Variants in RGS7 observed in about 807,000 individuals in gnomAD.
RGS7 encodes the protein regulator of G protein signaling 7.
Under a neutral mutation model 81.1 loss-of-function variants are expected in RGS7, and 27 were observed. The observed-to-expected ratio is 0.33, with a 90% CI of 0.25 to 0.46. The LOEUF is 0.46. Ranked by LOEUF, RGS7 falls within the 20% of genes least tolerant of loss-of-function variation. RGS7 has a pLI of 1.00. For synonymous variants in RGS7, 208 were observed against 207.7 expected, an observed-to-expected ratio of 1.00 and a Z score of -0.01; for missense variants, 396 against 607.4, an observed-to-expected ratio of 0.65 and a Z score of 3.66.
In RGS7 at chr1:240,964,112, C is replaced by A. The variant is rs114847407; in HGVS notation, c.226+18967G>T. Among the ~76,000 whole-genome samples the A allele has an allele frequency of 4.2e-3, 637 of 152,280 alleles. 6 individuals carry two copies. The highest frequency in any genetic ancestry group is 0.015 in the African/African-American group (617 of 41,542). ...AGCTCAACACAGACAGCAAGAGAAGCAAGAATGGGTGCACACAGAGTCAAA... is the reference window on the plus strand; with the variant it reads ...AGCTCAACACAGACAGCAAGAGAAGAAAGAATGGGTGCACACAGAGTCAAA... On this transcript the variant is annotated intron_variant, in intron 4 of 18. Coordinates refer to ENST00000440928, the MANE Select transcript of RGS7 (RefSeq NM_001364886.1).
At chr1:241,133,886 A>C (rs146650194) in intron 2 of RGS7, among the ~76,000 whole-genome samples, 70 of 152,322 alleles carry the variant, frequency 4.6e-4, no homozygotes, top group African/African-American at 1.7e-3. Flanking sequence ...AACTAGCTTC[A>C]AAAAGCATTC....
intron 2 of RGS7, among the ~76,000 whole-genome samples, chr1:241,214,349 T>C (rs1408975682): frequency 6.6e-6 from 1 of 152,192 alleles, no homozygotes; most frequent in East Asian, 1.9e-4. Flanking sequence ...TTGCCTGGTC[T>C]CAATTATCCA....
intron 2 of RGS7, among the ~76,000 whole-genome samples, chr1:241,160,110 C>CAAAAAAAAAAAAAAAAAAAAAAAA (rs369734662): frequency 5.3e-5 from 3 of 56,142 alleles, no homozygotes; most frequent in East Asian, 6.6e-4. Context: ...GACTCCATCT[C>CAAAAAAAAAAAAAAAAAAAAAAAA]AAAAAAAAAA....
intron 6 of RGS7, chr1:240,920,456 A>G (rs1356830398): frequency 6.4e-6 from 7 of 1,085,830 alleles, no homozygotes; most frequent in Non-Finnish European, 9.8e-6. Context: ...ACAACAATCA[A>G]TCTTCACATT....
intron 2 of RGS7, among the ~76,000 whole-genome samples, chr1:241,213,617 A>G (rs2074378730): frequency 6.6e-6 from 1 of 152,100 alleles, no homozygotes; most frequent in African/African-American, 2.4e-5. Flanking sequence ...TTGATATATA[A>G]TGTAAGAACT....
At chr1:240,787,311 C>T (rs888613051) in intron 18 of RGS7, among the ~76,000 whole-genome samples, 1 of 152,138 alleles carries the variant, frequency 6.6e-6, no homozygotes, top group African/African-American at 2.4e-5. Flanking sequence ...TTGCAAGGAG[C>T]TCCCTGTAGA....
intron 3 of RGS7, among the ~76,000 whole-genome samples, chr1:241,089,165 T>C (rs1183836458): frequency 7.1e-6 from 1 of 141,608 alleles, no homozygotes; most frequent in Non-Finnish European, 1.5e-5. Context: ...GCATTTTAGA[T>C]GGAGGAAAAA....
chr1:241,302,342 G>A (rs1469908127), intron 2 of RGS7, among the ~76,000 whole-genome samples: 3 of 152,192 alleles, frequency 2.0e-5, no homozygotes, highest in African/African-American at 7.2e-5. Flanking sequence ...GAGGTCAGGA[G>A]ATCGAGACCA....
chr1:241,100,932 C>T (rs561647661), intron 2 of RGS7, among the ~76,000 whole-genome samples: 2 of 152,168 alleles, frequency 1.3e-5, no homozygotes, highest in Non-Finnish European at 2.9e-5. Context: ...GCTGAGCTGA[C>T]TTATCAGACA....
chr1:240,788,451 A>G (rs1242731068), intron 18 of RGS7, among the ~76,000 whole-genome samples: 1 of 152,222 alleles, frequency 6.6e-6, no homozygotes, highest in Non-Finnish European at 1.5e-5. Context: ...CATCTAGGGC[A>G]GTGGTTTTCA....
chr1:241,070,469 C>T (rs953628893), intron 3 of RGS7, among the ~76,000 whole-genome samples: 1 of 152,144 alleles, frequency 6.6e-6, no homozygotes, highest in Non-Finnish European at 1.5e-5. Context: ...CCTCATTGCA[C>T]GACTGCTTTT....
chr1:241,113,416 T>C (rs1212575084), intron 2 of RGS7, among the ~76,000 whole-genome samples: 2 of 152,180 alleles, frequency 1.3e-5, no homozygotes, highest in East Asian at 1.9e-4. Flanking sequence ...ATGCCCTCCA[T>C]TGAAAGCCAG....
chr1:241,294,392 A>G (rs2079270235), intron 2 of RGS7, among the ~76,000 whole-genome samples: 4 of 152,214 alleles, frequency 2.6e-5, no homozygotes, highest in African/African-American at 4.8e-5. Context: ...TACTTATGTA[A>G]CAAACCTGCA....
At chr1:241,102,976 G>A (rs1269650023) in intron 2 of RGS7, among the ~76,000 whole-genome samples, 2 of 146,318 alleles carry the variant, frequency 1.4e-5, no homozygotes, top group African/African-American at 2.6e-5. Flanking sequence ...ATTAGCAACA[G>A]CAATTGGATG....
intron 2 of RGS7, among the ~76,000 whole-genome samples, chr1:241,328,569 T>C (rs1387939973): frequency 6.6e-6 from 1 of 152,202 alleles, no homozygotes; most frequent in Non-Finnish European, 1.5e-5. Flanking sequence ...TTAACCTGTC[T>C]AAATTTTCAC....
intron 12 of RGS7, 39 bp from the exon 13 acceptor site, chr1:240,813,767 G>A (rs1292605542): frequency 7.4e-7 from 1 of 1,342,544 alleles, no homozygotes; most frequent in Non-Finnish European, 1.1e-6. Flanking sequence ...TTAGTTTTCT[G>A]ACTGGGGTTG....
At chr1:241,082,232 T>A (rs1409085015) in intron 3 of RGS7, among the ~76,000 whole-genome samples, 3 of 152,226 alleles carry the variant, frequency 2.0e-5, no homozygotes, top group Admixed American at 2.0e-4. Context: ...GTGAAGGTTT[T>A]ATTTTCCCAA....
rs1438971265 is a variant in RGS7 at position 240,938,824 on chromosome 1, G to A, written c.227-2118C>T. 8.0e-3 allele frequency among the ~76,000 whole-genome samples: 946 copies of A among 118,988 alleles called. 9 individuals carry two copies. Among genetic ancestry groups the A allele is most frequent in the African/African-American group, 0.029 (796 of 27,158 alleles). The allele number at this position is 118,988 out of a possible 152,430, so 78.1% of individuals were successfully genotyped here. A position where few individuals can be genotyped will look rare whatever the true frequency, so the allele number is the denominator to read the frequency against. On this transcript the variant is annotated intron_variant, in intron 4 of 18. Transcript: ENST00000440928. ...TTTTTTTTTCATCAATTTTGTGCGTGTGTGTGTGTGTGTGTGTGTGTGTAT... is the reference window on the plus strand; with the variant it reads ...TTTTTTTTTCATCAATTTTGTGCGTATGTGTGTGTGTGTGTGTGTGTGTAT...
At chr1:240,782,622 A>T (rs1684319652) in intron 18 of RGS7, among the ~76,000 whole-genome samples, 1 of 151,662 alleles carries the variant, frequency 6.6e-6, no homozygotes, top group South Asian at 2.1e-4. Flanking sequence ...AGGTCTCATT[A>T]TGTCATCCAG....
Sources: allele counts gnomAD v4.1 joint callset (sites outside exome capture counted in the v4.1 genomes callset), GRCh38; gene constraint gnomAD v4.1.1; transcripts MANE v1.5; gene names NCBI Gene and HGNC (gene_info 2026-07-23, HGNC 2026-07-21).